Variants in SOWAHC observed in about 807,000 individuals in gnomAD.
The protein encoded by SOWAHC is sosondowah ankyrin repeat domain family member C.
Under a neutral mutation model 14.4 loss-of-function variants are expected in SOWAHC, and 12 were observed. That is an observed-to-expected ratio of 0.83 (90% CI 0.53 to 1.35). The LOEUF is 1.35. Ranked by LOEUF, SOWAHC falls within the 40% of genes most tolerant of loss-of-function variation. The probability of loss-of-function intolerance (pLI) is 0.00; values close to 1 mark genes in which losing one functional copy is unlikely to be tolerated. For missense variants in SOWAHC, 771 were observed against 752.8 expected, an observed-to-expected ratio of 1.02 and a Z score of -0.28; for synonymous variants, 398 against 347.0, an observed-to-expected ratio of 1.15 and a Z score of -1.63.
rs1279714834 is a variant in SOWAHC, at chr2:109,615,878, C to T, written c.1389C>T (p.Ser463=). 6.2e-7 allele frequency: 1 copy of T among 1,613,246 alleles called. No homozygotes were observed. The highest frequency in any genetic ancestry group is 2.2e-5 in the East Asian group (1 of 44,884). The stretch of plus-strand genomic sequence containing the variant: ...ATCCAGGGCGCAAAGCCTCGGGCAG[C>T]TCTAGTGGACGTATAAAACCCAGAC... ...AKDPGRKASG[S]SSGRIKPRLN... The change falls in exon 1 of 1, where the codon AGC becomes AGT. Residue 463 remains serine, a synonymous_variant. Coordinates refer to ENST00000356454, the MANE Select transcript of SOWAHC (RefSeq NM_023016.4).
rs1168740507 is a variant in SOWAHC, at chr2:109,617,122, T to G, written c.*1055T>G. 1 of 166,838 alleles carries G rather than the reference T, an allele frequency of 6.0e-6. No homozygotes were observed. Among genetic ancestry groups the G allele is most frequent in the African/African-American group, 2.4e-5 (1 of 41,476 alleles). 10.3% of individuals were successfully genotyped at this position (166,838 alleles called of 1,614,324 possible). A position where few individuals can be genotyped will look rare whatever the true frequency, so the allele number is the denominator to read the frequency against. Reference sequence around the variant, plus strand: ...TTAATGATTCTTATGTAAGGTACACTTTTTATTTTAATACATTGGTAGTCT... The same window carrying G: ...TTAATGATTCTTATGTAAGGTACACGTTTTATTTTAATACATTGGTAGTCT... On this transcript the variant is annotated 3_prime_UTR_variant, in exon 1 of 1. Coordinates refer to ENST00000356454, the MANE Select transcript of SOWAHC (RefSeq NM_023016.4).
In SOWAHC at chr2:109,615,717, G is replaced by A. The variant is rs1404965250; in HGVS notation, c.1228G>A (p.Gly410Ser). ...CGGGGAAAGCGCCGCGGGTAGCGGC[G>A]GCGGGCGCTGGAGGCTTTCAAAGGT... The part of the protein sequence containing the change: ...GDGESAAGSG[G>S]GRWRLSKVLP... The change falls in exon 1 of 1, where the codon GGC becomes AGC. Residue 410 changes from glycine to serine, a missense_variant. Coordinates refer to ENST00000356454, the MANE Select transcript of SOWAHC (RefSeq NM_023016.4). The A allele has an allele frequency of 6.2e-7, 1 of 1,613,688 alleles. No homozygotes were observed. The highest frequency in any genetic ancestry group is 8.5e-7 in the Non-Finnish European group (1 of 1,179,880).
In SOWAHC at chr2:109,616,834, C is replaced by T. The variant is rs1433859565; in HGVS notation, c.*767C>T. ...TACACAAAATTTTATTTAAAGAGAA[C>T]ACTTAGCAGCCTATGATAGTTTTCA... On this transcript the variant is annotated 3_prime_UTR_variant, in exon 1 of 1. Coordinates refer to ENST00000356454, the MANE Select transcript of SOWAHC (RefSeq NM_023016.4). 4 of 167,158 alleles carry T rather than the reference C, an allele frequency of 2.4e-5. No homozygotes were observed. The highest frequency in any genetic ancestry group is 7.2e-5 in the African/African-American group (3 of 41,566). The allele number at this position is 167,158 out of a possible 1,614,324, so 10.4% of individuals were successfully genotyped here.
chr2:109,614,380 A>C lies in SOWAHC; in HGVS notation c.-110A>C, dbSNP rs866709706. ...TCTGGCCTCAGACGCGTAGGCTGGC[A>C]GCCCGCTGAGCCCGCCAGACTCCGC... On this transcript the variant is annotated 5_prime_UTR_variant, in exon 1 of 1. Transcript: ENST00000356454. 2.1e-4 allele frequency: 180 copies of C among 875,726 alleles called. 1 individual carries two copies. The Middle Eastern group carries it at 5.0e-3, about 25-fold the overall frequency. The allele number at this position is 875,726 out of a possible 1,614,324, so 54.2% of individuals were successfully genotyped here.
At position 109,615,852 on chromosome 2, in the gene SOWAHC, G is replaced by A. The variant is rs1423449505; in HGVS notation, c.1363G>A (p.Asp455Asn). The change falls in exon 1 of 1, where the codon GAT becomes AAT. Residue 455 changes from aspartate (D) to asparagine (N), a missense_variant. By Grantham distance (23) the Asp-to-Asn change is conservative. Coordinates refer to ENST00000356454, the MANE Select transcript of SOWAHC (RefSeq NM_023016.4). ...GGGGTGGGTCGGAGGCAAAGCCAAGGATCCAGGGCGCAAAGCCTCGGGCAG... is the reference window on the plus strand; with the variant it reads ...GGGGTGGGTCGGAGGCAAAGCCAAGAATCCAGGGCGCAAAGCCTCGGGCAG... ...AEGWVGGKAK[D>N]PGRKASGSSS... 6.2e-7 allele frequency: 1 copy of A among 1,614,066 alleles called. No individual in the cohort carries two copies.
At position 109,615,542 on chromosome 2, in the gene SOWAHC, C is replaced by G; in HGVS notation, c.1053C>G (p.His351Gln). The G allele has an allele frequency of 6.2e-7, 1 of 1,613,948 alleles. No individual in the cohort carries two copies. Residue 351 changes from histidine (H) to glutamine (Q), a missense_variant, in exon 1 of 1, where the codon CAC becomes CAG. By Grantham distance (24) the His-to-Gln change is conservative. Coordinates refer to ENST00000356454, the MANE Select transcript of SOWAHC (RefSeq NM_023016.4). ...CCGCCCTGCACTTGGCAGCCATGCA[C>G]GGCCACGTGGAGGTGGTGAAGCTGC... is the stretch of plus-strand genomic sequence containing the variant. ...GYTALHLAAMHGHVEVVKLLV... is the reference protein window; with the variant it reads ...GYTALHLAAMQGHVEVVKLLV...
chr2:109,615,524 G>A lies in SOWAHC; in HGVS notation c.1035G>A (p.Leu345=). 1 of 1,613,932 alleles carries A rather than the reference G, an allele frequency of 6.2e-7. No individual in the cohort carries two copies. The highest frequency in any genetic ancestry group is 8.5e-7 in the Non-Finnish European group (1 of 1,180,044). Residue 345 remains leucine, a synonymous_variant, in exon 1 of 1, where the codon CTG becomes CTA. Coordinates refer to ENST00000356454, the MANE Select transcript of SOWAHC (RefSeq NM_023016.4). ...DARTSGGYTA[L]HLAAMHGHVE... ...GGACGAGCGGGGGTTACACCGCCCT[G>A]CACTTGGCAGCCATGCACGGCCACG...
At position 109,615,771 on chromosome 2, in the gene SOWAHC, C is replaced by T. The variant is rs1212091175; in HGVS notation, c.1282C>T (p.Leu428Phe). The T allele has an allele frequency of 6.2e-7, 1 of 1,614,116 alleles. No individual in the cohort carries two copies. Among genetic ancestry groups the T allele is most frequent in the Non-Finnish European group, 8.5e-7 (1 of 1,180,046 alleles). Residue 428 changes from leucine to phenylalanine, a missense_variant, in exon 1 of 1, where the codon CTC (leucine) becomes TTC (phenylalanine). Transcript: ENST00000356454. ...VLPSHLITYK[L>F]SHALEDGGDH... is the part of the protein sequence containing the mutation. ...TCCCTCGCATCTCATCACCTACAAA[C>T]TCTCACACGCCCTAGAAGATGGAGG...
At position 109,615,596 on chromosome 2, in the gene SOWAHC, C is replaced by T. The variant is rs751493949; in HGVS notation, c.1107C>T (p.Asp369=). The change falls in exon 1 of 1, where the codon GAC becomes GAT. Residue 369 remains aspartate, a synonymous_variant. Transcript: ENST00000356454. Reference sequence around the variant, plus strand: ...TGGGGGCCTACGACGCCGATGTGGACATCAGGGACTACAGTGGGAAAAAGG... The same window carrying T: ...TGGGGGCCTACGACGCCGATGTGGATATCAGGGACTACAGTGGGAAAAAGG... ...LLVGAYDADV[D]IRDYSGKKAS... is the part of the protein sequence containing the mutation. 6.8e-6 allele frequency: 11 copies of T among 1,613,694 alleles called. No individual in the cohort carries two copies. Among genetic ancestry groups the T allele is most frequent in the South Asian group, 2.2e-5 (2 of 91,072 alleles).
In SOWAHC at chr2:109,617,385, C is replaced by G. The variant is rs1011827521; in HGVS notation, c.*1318C>G. Reference sequence around the variant, plus strand: ...AAATACCATTCATTAAAATTAAGTACTCGTTTAAGTATGGTTCTTAATTAC... The same window carrying G: ...AAATACCATTCATTAAAATTAAGTAGTCGTTTAAGTATGGTTCTTAATTAC... On this transcript the variant is annotated 3_prime_UTR_variant, in exon 1 of 1. Transcript: ENST00000356454. 3 of 167,000 alleles carry G rather than the reference C, an allele frequency of 1.8e-5. No homozygotes were observed. The Admixed American group carries it at 2.0e-4, about 11-fold the overall frequency. 10.3% of individuals were successfully genotyped at this position (167,000 alleles called of 1,614,324 possible).
rs1459406047 is a variant in SOWAHC, at chr2:109,616,099, A to G, written c.*32A>G. On this transcript the variant is annotated 3_prime_UTR_variant, in exon 1 of 1. Coordinates refer to ENST00000356454, the MANE Select transcript of SOWAHC (RefSeq NM_023016.4). Reference sequence around the variant, plus strand: ...CTTCTTTTAGAAAATGCAAAGGTTTATTTGTCTTAATAAATTGAATACTAG... The same window carrying G: ...CTTCTTTTAGAAAATGCAAAGGTTTGTTTGTCTTAATAAATTGAATACTAG... 5 of 1,465,594 alleles carry G rather than the reference A, an allele frequency of 3.4e-6. No individual in the cohort carries two copies. In the South Asian group the frequency reaches 6.1e-5, roughly 18 times the overall value. The allele number at this position is 1,465,594 out of a possible 1,614,324, so 90.8% of individuals were successfully genotyped here.
rs1409903413 is a variant in SOWAHC at position 109,614,640 on chromosome 2, C to T, written c.151C>T (p.Arg51Cys). ...ALGGEPEQRARARAHFKELVN... is the reference protein window; with the variant it reads ...ALGGEPEQRACARAHFKELVN... Reference sequence around the variant, plus strand: ...AGGCGGCGAACCGGAGCAGCGCGCCCGCGCCCGCGCGCACTTCAAGGAGCT... The same window carrying T: ...AGGCGGCGAACCGGAGCAGCGCGCCTGCGCCCGCGCGCACTTCAAGGAGCT... The change falls in exon 1 of 1, where the codon CGC becomes TGC. Residue 51 changes from arginine to cysteine, a missense_variant. By Grantham distance (180) the Arg-to-Cys change is radical. Coordinates refer to ENST00000356454, the MANE Select transcript of SOWAHC (RefSeq NM_023016.4). The T allele has an allele frequency of 2.0e-6, 3 of 1,467,228 alleles. No individual in the cohort carries two copies. In the South Asian group the frequency reaches 3.9e-5, roughly 19 times the overall value. 90.9% of individuals were successfully genotyped at this position (1,467,228 alleles called of 1,614,324 possible).
rs915905931 is a variant in SOWAHC at position 109,616,254 on chromosome 2, C to A, written c.*187C>A. The stretch of plus-strand genomic sequence containing the variant: ...AAAGTGGATGTCTTTTTCAGAGATT[C>A]ATCATACCTTGACCTGTACCTCTTC... On this transcript the variant is annotated 3_prime_UTR_variant, in exon 1 of 1. Coordinates refer to ENST00000356454, the MANE Select transcript of SOWAHC (RefSeq NM_023016.4). The A allele has an allele frequency of 1.1e-6, 1 of 916,126 alleles. No homozygotes were observed. The allele number at this position is 916,126 out of a possible 1,614,324, so 56.7% of individuals were successfully genotyped here. A position where few individuals can be genotyped will look rare whatever the true frequency, so the allele number is the denominator to read the frequency against.
Position 109,615,582 on chromosome 2 carries a change from G to A in SOWAHC, c.1093G>A (p.Asp365Asn), listed in dbSNP as rs1386271905. The part of the protein sequence containing the change: ...EVVKLLVGAY[D>N]ADVDIRDYSG... The stretch of plus-strand genomic sequence containing the variant: ...GGTGAAGCTGCTGGTGGGGGCCTAC[G>A]ACGCCGATGTGGACATCAGGGACTA... The change falls in exon 1 of 1, where the codon GAC (aspartate) becomes AAC (asparagine). Residue 365 changes from aspartate to asparagine, a missense_variant. Coordinates refer to ENST00000356454, the MANE Select transcript of SOWAHC (RefSeq NM_023016.4). The A allele has an allele frequency of 2.5e-6, 4 of 1,614,128 alleles. No individual in the cohort carries two copies. Among genetic ancestry groups the A allele is most frequent in the Non-Finnish European group, 3.4e-6 (4 of 1,180,036 alleles).
chr2:109,614,432 C>A lies in SOWAHC; in HGVS notation c.-58C>A. On this transcript the variant is annotated 5_prime_UTR_variant, in exon 1 of 1. Transcript: ENST00000356454. ...GCCGTCGGGAGCCGGCCGCTGGGAG[C>A]CCGTCGCTATGGGACCGCGCTGAGC... 3 of 1,149,956 alleles carry A rather than the reference C, an allele frequency of 2.6e-6. No individual in the cohort carries two copies. Among genetic ancestry groups the A allele is most frequent in the Non-Finnish European group, 2.2e-6 (2 of 921,280 alleles). 71.2% of individuals were successfully genotyped at this position (1,149,956 alleles called of 1,614,324 possible).
Position 109,615,932 on chromosome 2 carries a change from C to T in SOWAHC, c.1443C>T (p.Ile481=), listed in dbSNP as rs1700136115. 2 of 1,605,032 alleles carry T rather than the reference C, an allele frequency of 1.2e-6. No homozygotes were observed. The highest frequency in any genetic ancestry group is 1.7e-5 in the Admixed American group (1 of 59,208). ...ACAAAATCCGATTCAGAACCCAGAT[C>T]GTCCACACCACACCCTCTTTCAGGG... is the stretch of plus-strand genomic sequence containing the variant. ...RLNKIRFRTQ[I]VHTTPSFRDP... is the part of the protein sequence containing the mutation. Residue 481 remains isoleucine, a synonymous_variant, in exon 1 of 1, where the codon ATC becomes ATT. Transcript: ENST00000356454.
chr2:109,617,236 G>A lies in SOWAHC; in HGVS notation c.*1169G>A, dbSNP rs1700162037. 6.0e-6 allele frequency: 1 copy of A among 166,770 alleles called. No individual in the cohort carries two copies. The highest frequency in any genetic ancestry group is 2.1e-4 in the South Asian group (1 of 4,826). 10.3% of individuals were successfully genotyped at this position (166,770 alleles called of 1,614,324 possible). A position where few individuals can be genotyped will look rare whatever the true frequency, so the allele number is the denominator to read the frequency against. Reference sequence around the variant, plus strand: ...TTGACAATTAGATACCTATCCTGTAGTTACTGAAAATCTGGGTAGTAAATC... The same window carrying A: ...TTGACAATTAGATACCTATCCTGTAATTACTGAAAATCTGGGTAGTAAATC... On this transcript the variant is annotated 3_prime_UTR_variant, in exon 1 of 1. Transcript: ENST00000356454.
In SOWAHC at chr2:109,615,307, T is replaced by G. The variant is rs771762427; in HGVS notation, c.818T>G (p.Leu273Arg). The change falls in exon 1 of 1, where the codon CTC (leucine) becomes CGC (arginine). Residue 273 changes from leucine to arginine, a missense_variant. Leu to Arg is a moderately radical substitution (Grantham distance 102). Transcript: ENST00000356454. The stretch of plus-strand genomic sequence containing the variant: ...GACCCCCTGGAGCACGCGTGGATGC[T>G]CTCTGCCTCCGATGGCAAGTGGGAC... Reference protein sequence around the residue: ...TLDPLEHAWMLSASDGKWDSL... With the variant: ...TLDPLEHAWMRSASDGKWDSL... 1.2e-6 allele frequency: 2 copies of G among 1,606,054 alleles called. No individual in the cohort carries two copies.
Position 109,616,273 on chromosome 2 carries a change from CCTCTT to C in SOWAHC, c.*211_*215del. The stretch of plus-strand genomic sequence containing the variant: ...GAGATTCATCATACCTTGACCTGTA[CCTCTT>C]CTCTGCCCTCCACTTCCCTGCCCTG... On this transcript the variant is annotated 3_prime_UTR_variant, in exon 1 of 1. Transcript: ENST00000356454. The C allele has an allele frequency of 1.5e-6, 1 of 666,256 alleles. No individual in the cohort carries two copies. The allele number at this position is 666,256 out of a possible 1,614,324, so 41.3% of individuals were successfully genotyped here. A position where few individuals can be genotyped will look rare whatever the true frequency, so the allele number is the denominator to read the frequency against.
Sources: gnomAD v4.1 joint callset for allele counts on GRCh38, gnomAD v4.1.1 for gene constraint, MANE v1.5 for transcripts, NCBI Gene and HGNC (gene_info 2026-07-23, HGNC 2026-07-21) for gene names.